SLBP: variants seen among roughly 807,000 people sequenced by gnomAD.
The protein encoded by SLBP is histone RNA hairpin-binding protein.
In SLBP, 29 loss-of-function variants were observed where a neutral mutation model predicts 39.2. That is an observed-to-expected ratio of 0.74 (90% CI 0.55 to 1.01). SLBP has a LOEUF of 1.01. Ranked by LOEUF, SLBP falls within the 50% of genes least tolerant of loss-of-function variation. The pLI, the probability that SLBP is intolerant of heterozygous loss-of-function variation, is 0.00. For missense variants in SLBP, 390 were observed against 350.2 expected, an observed-to-expected ratio of 1.11 and a Z score of -0.91; for synonymous variants, 129 against 118.7, an observed-to-expected ratio of 1.09 and a Z score of -0.57.
At position 1,694,833 on chromosome 4, in the gene SLBP, C is replaced by T. The variant is rs1351048656; in HGVS notation, c.637G>A (p.Val213Ile). 4.3e-6 allele frequency: 7 copies of T among 1,612,852 alleles called. No individual in the cohort carries two copies. The highest frequency in any genetic ancestry group is 1.3e-5 in the African/African-American group (1 of 75,008). The change falls in exon 7 of 8, where the codon GTA (valine) becomes ATA (isoleucine). Residue 213 changes from valine (V) to isoleucine (I), a missense_variant. By Grantham distance (29) the Val-to-Ile change is conservative (BLOSUM62 3). Transcript: ENST00000489418. ...CTGCTTTCTGCAGATTCAAGGTCTACAGGGTGTCTGTTAAACAAGATCCAA... is the reference window on the plus strand; with the variant it reads ...CTGCTTTCTGCAGATTCAAGGTCTATAGGGTGTCTGTTAAACAAGATCCAA... ...EGCDLQEIHP[V>I]DLESAESSSE...
chr4:1,695,946 G>T (rs1716089522), intron 6 of SLBP, among the ~76,000 whole-genome samples: 2 of 152,072 alleles, frequency 1.3e-5, no homozygotes, highest in African/African-American at 2.4e-5. Context: ...AACAAAAACA[G>T]CAAAACAACA....
chr4:1,706,773 G>A (rs1305142285), intron 2 of SLBP, among the ~76,000 whole-genome samples: 2 of 148,524 alleles, frequency 1.3e-5, no homozygotes, highest in Non-Finnish European at 3.0e-5. Context: ...GAGTTGCAGT[G>A]AGCCGAGATC....
intron 3 of SLBP, among the ~76,000 whole-genome samples, chr4:1,700,385 A>G (rs1716279728): frequency 6.6e-6 from 1 of 152,192 alleles, no homozygotes; most frequent in African/African-American, 2.4e-5. Flanking sequence ...CCAATCCTGG[A>G]GACCAAACGT....
At chr4:1,693,780 C>G (rs1326710807) in intron 7 of SLBP, 67 bp from the exon 8 acceptor site, 2 of 891,044 alleles carry the variant, frequency 2.2e-6, no homozygotes, top group Non-Finnish European at 1.9e-6. Context: ...CCTTCCTACA[C>G]CCCACTCCTT....
At chr4:1,699,206 T>C (rs950639337) in intron 5 of SLBP, among the ~76,000 whole-genome samples, 6 of 152,204 alleles carry the variant, frequency 3.9e-5, no homozygotes, top group Non-Finnish European at 7.3e-5. Context: ...TTAAAGACAA[T>C]AGGGCAATGC....
chr4:1,708,554 A>G (rs561000375), intron 2 of SLBP, among the ~76,000 whole-genome samples: 328 of 152,332 alleles, frequency 2.2e-3, no homozygotes, highest in South Asian at 0.011. Flanking sequence ...CTAGTGTATC[A>G]AGAGGTTCAA....
intron 6 of SLBP, 100 bp from the exon 7 acceptor site, chr4:1,694,940 ACT>A: frequency 1.2e-6 from 1 of 813,876 alleles, no homozygotes; most frequent in Non-Finnish European, 2.2e-6. Flanking sequence ...CAGCCACAAC[ACT>A]GACAGTGTGC....
chr4:1,703,178 A>C (rs1716390358), intron 3 of SLBP, among the ~76,000 whole-genome samples: 1 of 150,834 alleles, frequency 6.6e-6, no homozygotes, highest in Non-Finnish European at 1.5e-5. Context: ...CAGAGGTTGC[A>C]GTGAGCCGAG....
At chr4:1,696,882 GCGAGA>G (rs1446957479) in intron 5 of SLBP, among the ~76,000 whole-genome samples, 4 of 150,388 alleles carry the variant, frequency 2.7e-5, no homozygotes, top group Non-Finnish European at 4.4e-5. Context: ...GGGCAACACA[GCGAGA>G]CTTCACCTCC....
At chr4:1,696,962 G>C (rs1404124859) in intron 5 of SLBP, among the ~76,000 whole-genome samples, 4 of 150,850 alleles carry the variant, frequency 2.7e-5, no homozygotes, top group Non-Finnish European at 3.0e-5. Context: ...CCTGAGATCA[G>C]GCTGGCCAAC....
At position 1,711,937 on chromosome 4, in the gene SLBP, C is replaced by CT; in HGVS notation, c.112dup (p.Arg38LysfsTer27). 7.4e-7 allele frequency: 1 copy of CT among 1,346,866 alleles called. No homozygotes were observed. Among genetic ancestry groups the CT allele is most frequent in the Non-Finnish European group, 9.5e-7 (1 of 1,050,230 alleles). 83.4% of individuals were successfully genotyped at this position (1,346,866 alleles called of 1,614,324 possible). On this transcript the variant is annotated frameshift_variant, in exon 2 of 8. Coordinates refer to ENST00000489418, the MANE Select transcript of SLBP (RefSeq NM_006527.4). LOFTEE classifies it high-confidence loss of function. ...CTCGGCGTCTTCGGGCCTCCAGCGC[C>CT]TGCCGTCGGCTCTGCGCTTCCGTCC...
rs570989998 is a variant in SLBP, at chr4:1,698,103, T to C, written c.479+1461A>G. On this transcript the variant is annotated intron_variant, in intron 5 of 7. Transcript: ENST00000489418. ...ATGGTTGGGCGTGGTGGCTCACCCC[T>C]GTAATCCCAGCACTGTGGGAGGCAG... Among the ~76,000 whole-genome samples, 6 of 152,078 alleles carry C rather than the reference T, an allele frequency of 3.9e-5. No homozygotes were observed. In the South Asian group the frequency reaches 6.2e-4, roughly 16 times the overall value.
chr4:1,700,106 G>A, intron 3 of SLBP, 36 bp from the exon 4 acceptor site: 1 of 1,487,678 alleles, frequency 6.7e-7, no homozygotes, highest in East Asian at 2.3e-5. Flanking sequence ...TTTTAAAAAA[G>A]ATATAAAAAT....
chr4:1,712,212 C>A lies in SLBP; in HGVS notation c.-24G>T. 7.9e-7 allele frequency: 1 copy of A among 1,257,964 alleles called. No individual in the cohort carries two copies. Among genetic ancestry groups the A allele is most frequent in the East Asian group, 3.4e-5 (1 of 29,524 alleles). 77.9% of individuals were successfully genotyped at this position (1,257,964 alleles called of 1,614,324 possible). ...ATGGCAGCACGGGCCGGGCGCGCAG[C>A]GCAGGGCCGAGGCTGAGGCGGCGGC... On this transcript the variant is annotated 5_prime_UTR_variant, in exon 1 of 8. Coordinates refer to ENST00000489418, the MANE Select transcript of SLBP (RefSeq NM_006527.4).
intron 2 of SLBP, among the ~76,000 whole-genome samples, chr4:1,711,071 A>T (rs1219501576): frequency 6.6e-6 from 1 of 151,860 alleles, no homozygotes; most frequent in East Asian, 1.9e-4. Flanking sequence ...AAAAAAAAAA[A>T]AAAAGTAACG....
At chr4:1,705,484 G>A (rs754597238) in intron 2 of SLBP, among the ~76,000 whole-genome samples, 7 of 152,188 alleles carry the variant, frequency 4.6e-5, no homozygotes, top group Admixed American at 1.3e-4. Flanking sequence ...TAAGACTTTA[G>A]ACTACTTGTT....
chr4:1,702,135 T>A (rs1716351371), intron 3 of SLBP, among the ~76,000 whole-genome samples: 1 of 152,210 alleles, frequency 6.6e-6, no homozygotes, highest in African/African-American at 2.4e-5. Context: ...AGGGAGCAAC[T>A]AGGCTATCGG....
chr4:1,712,249 A>G lies in SLBP; in HGVS notation c.-61T>C. On this transcript the variant is annotated 5_prime_UTR_variant, in exon 1 of 8. Transcript: ENST00000489418. The stretch of plus-strand genomic sequence containing the variant: ...GCTGAGGCGGCGGCGGCGCGGGCAG[A>G]GAGCGCAGAGTAGAGCAGGGCAGGG... 9.3e-7 allele frequency: 1 copy of G among 1,080,846 alleles called. No individual in the cohort carries two copies. The highest frequency in any genetic ancestry group is 1.2e-6 in the Non-Finnish European group (1 of 831,764). 67.0% of individuals were successfully genotyped at this position (1,080,846 alleles called of 1,614,324 possible).
chr4:1,706,774 AGCCGAGATCGTGCACT>A (rs143561598), intron 2 of SLBP, among the ~76,000 whole-genome samples: 18,793 of 152,126 alleles, frequency 0.12, 1,511 homozygotes, highest in Non-Finnish European at 0.18. Context: ...AGTTGCAGTG[AGCCGAGATCGTGCACT>A]GCACTCCAGC....
Sources: gnomAD v4.1 joint callset for allele counts (sites outside exome capture counted in the v4.1 genomes callset) on GRCh38, gnomAD v4.1.1 for gene constraint, MANE v1.5 for transcripts, NCBI Gene and HGNC (gene_info 2026-07-23, HGNC 2026-07-21) for gene names.